The following HCRTR2 variants were observed in gnomAD, a reference collection of about 807,000 sequenced individuals.
HCRTR2 encodes the protein hypocretin receptor 2, also known as orexin receptor type 2.
A neutral mutation model predicts 49.0 loss-of-function variants in HCRTR2; 22 were observed. That is an observed-to-expected ratio of 0.45 (90% CI 0.32 to 0.64). The LOEUF (loss-of-function observed/expected upper bound fraction) is 0.64. Ranked by LOEUF, HCRTR2 falls within the 30% of genes least tolerant of loss-of-function variation. HCRTR2 has a pLI of 0.04. For missense variants in HCRTR2, 491 were observed against 559.4 expected (o/e 0.88, Z 1.23); for synonymous variants, 236 against 205.3 (o/e 1.15, Z -1.28).
At chr6:55,202,118 GA>G (rs1765522652) in intron 1 of HCRTR2, among the ~76,000 whole-genome samples, 1 of 152,118 alleles carries the variant, frequency 6.6e-6, no homozygotes, top group African/African-American at 2.4e-5. Context: ...GAAGAGAATA[GA>G]AAAAACTTTT....
At chr6:55,262,484 TAA>T (rs1373966630) in intron 3 of HCRTR2, among the ~76,000 whole-genome samples, 1 of 132,652 alleles carries the variant, frequency 7.5e-6, no homozygotes, top group East Asian at 2.0e-4. Flanking sequence ...ATATAATATA[TAA>T]CTTATTATTA....
At chr6:55,144,734 T>G (rs149172494) in intron 1 of HCRTR2, among the ~76,000 whole-genome samples, 8 of 152,090 alleles carry the variant, frequency 5.3e-5, no homozygotes, top group Non-Finnish European at 1.2e-4. Flanking sequence ...TAGAGGATCT[T>G]TGGCTCAGGA....
chr6:55,226,804 C>T (rs573498521), intron 1 of HCRTR2, among the ~76,000 whole-genome samples: 93 of 145,206 alleles, frequency 6.4e-4, no homozygotes, highest in African/African-American at 2.3e-3. Flanking sequence ...CTGAAAGCTC[C>T]GCCTCCCGGG....
chr6:55,279,908 A>C (rs17750259), intron 5 of HCRTR2, among the ~76,000 whole-genome samples: 1,903 of 152,222 alleles, frequency 0.013, 16 homozygotes, highest in Non-Finnish European at 0.016. Flanking sequence ...TGATCAATAC[A>C]TAAATGAAAG....
At chr6:55,171,451 C>G (rs1401581587), upstream of HCRTR2, among the ~76,000 whole-genome samples, 1 of 152,098 alleles carries the variant, frequency 6.6e-6, no homozygotes, top group East Asian at 1.9e-4. Flanking sequence ...TACCTAAGAA[C>G]TAGAAATTCC....
chr6:55,167,821 G>T (rs1451682784), intron 1 of HCRTR2, among the ~76,000 whole-genome samples: 2 of 151,936 alleles, frequency 1.3e-5, no homozygotes, highest in East Asian at 3.9e-4. Flanking sequence ...TATTATTTTT[G>T]CATTTTAACC....
chr6:55,226,490 G>A lies in HCRTR2; in HGVS notation c.224-22149G>A, dbSNP rs572496745. ...CGCCTGGCTAATTTTTGTATTTTTA[G>A]TAGAGATGGGGTTTCACCATGTTGG... On this transcript the variant is annotated intron_variant, in intron 1 of 6. Transcript: ENST00000370862. Among the ~76,000 whole-genome samples, 15 of 151,222 alleles carry A rather than the reference G, an allele frequency of 9.9e-5. No homozygotes were observed. The East Asian group carries it at 3.0e-3, about 30-fold the overall frequency.
intron 1 of HCRTR2, among the ~76,000 whole-genome samples, chr6:55,227,661 A>G (rs1014098117): frequency 3.9e-5 from 6 of 152,180 alleles, no homozygotes; most frequent in Non-Finnish European, 7.3e-5. Context: ...AACAGCTACT[A>G]TATGATATGC....
intron 1 of HCRTR2, among the ~76,000 whole-genome samples, chr6:55,243,948 A>G (rs902131367): frequency 2.0e-5 from 3 of 152,050 alleles, no homozygotes; most frequent in African/African-American, 7.2e-5. Flanking sequence ...TTGTTGGTTG[A>G]CCAGTTGATT....
intron 1 of HCRTR2, among the ~76,000 whole-genome samples, chr6:55,176,318 A>G (rs905113211): frequency 6.6e-6 from 1 of 152,180 alleles, no homozygotes; most frequent in Non-Finnish European, 1.5e-5. Context: ...AATAAAGGAA[A>G]TCTTTTTGGG....
At chr6:55,183,964 G>A (rs915378433) in intron 1 of HCRTR2, among the ~76,000 whole-genome samples, 9 of 151,780 alleles carry the variant, frequency 5.9e-5, no homozygotes, top group Admixed American at 5.9e-4. Flanking sequence ...GTCTCACTCT[G>A]TTGCCCAGGC....
downstream of HCRTR2, among the ~76,000 whole-genome samples, chr6:55,284,583 C>A (rs957612232): frequency 6.6e-6 from 1 of 152,148 alleles, no homozygotes. Context: ...ACAACAGGGG[C>A]CACCATCATC....
chr6:55,148,007 A>C (rs79376409), intron 1 of HCRTR2, among the ~76,000 whole-genome samples: 2,760 of 148,490 alleles, frequency 0.019, 193 homozygotes, highest in Admixed American at 0.14. Flanking sequence ...AATTTGTAGA[A>C]TCTGCCTGAA....
chr6:55,256,367 G>A (rs991469787), intron 3 of HCRTR2, among the ~76,000 whole-genome samples: 5 of 152,004 alleles, frequency 3.3e-5, no homozygotes, highest in Non-Finnish European at 7.4e-5. Context: ...CTTAAATATT[G>A]TAATCTTTGA....
chr6:55,265,908 C>T (rs866464421), intron 4 of HCRTR2, among the ~76,000 whole-genome samples: 27 of 152,092 alleles, frequency 1.8e-4, no homozygotes, highest in African/African-American at 5.5e-4. Context: ...AGAACACCGT[C>T]GTGGGTTCTC....
chr6:55,111,219 G>A (rs1764044241), intron 1 of HCRTR2, among the ~76,000 whole-genome samples: 1 of 151,952 alleles, frequency 6.6e-6, no homozygotes, highest in South Asian at 2.1e-4. Context: ...CAAAAAGTCT[G>A]AAGGAGCACA....
intron 1 of HCRTR2, among the ~76,000 whole-genome samples, chr6:55,120,079 G>T (rs186566685): frequency 1.5e-4 from 23 of 152,240 alleles, no homozygotes; most frequent in African/African-American, 5.5e-4. Context: ...TCAGATGGTT[G>T]TAGATGTGTG....
At chr6:55,139,266 C>T (rs1405098158) in intron 1 of HCRTR2, among the ~76,000 whole-genome samples, 13 of 152,074 alleles carry the variant, frequency 8.5e-5, no homozygotes, top group Admixed American at 5.9e-4. Flanking sequence ...ATAGGGGAAA[C>T]GTATGAGAGA....
chr6:55,136,656 T>C (rs971489372), intron 1 of HCRTR2, among the ~76,000 whole-genome samples: 1 of 152,158 alleles, frequency 6.6e-6, no homozygotes, highest in Non-Finnish European at 1.5e-5. Context: ...CTTACCCAAG[T>C]TGATAAAGCT....
Sources: allele counts gnomAD v4.1 joint callset (sites outside exome capture counted in the v4.1 genomes callset), GRCh38; gene constraint gnomAD v4.1.1; transcripts MANE v1.5; gene names NCBI Gene and HGNC (gene_info 2026-07-23, HGNC 2026-07-21).